SYNE2: variants seen among roughly 807,000 people sequenced by gnomAD.
The protein encoded by SYNE2 is spectrin repeat containing nuclear envelope protein 2, also known as nesprin-2.
In SYNE2, 431 loss-of-function variants were observed where a neutral mutation model predicts 856.3. That is an observed-to-expected ratio of 0.50 (90% CI 0.47 to 0.55). The LOEUF is 0.55. Ranked by LOEUF, SYNE2 falls within the 20% of genes least tolerant of loss-of-function variation. SYNE2 has a pLI of 0.00. For synonymous variants in SYNE2, 2,923 were observed against 2,872.3 expected (o/e 1.02, Z -0.56); for missense variants, 8,129 against 8,023.2 (o/e 1.01, Z -0.50).
At chr14:64,173,455 G>T (rs1394100890) in intron 94 of SYNE2, among the ~76,000 whole-genome samples, 2 of 152,090 alleles carry the variant, frequency 1.3e-5, no homozygotes, top group Non-Finnish European at 2.9e-5. Context: ...TTCCTCCTTT[G>T]GGTATGGGTG....
chr14:64,138,967 G>A (rs2098119567), intron 79 of SYNE2, among the ~76,000 whole-genome samples: 1 of 149,344 alleles, frequency 6.7e-6, no homozygotes, highest in Non-Finnish European at 1.5e-5. Flanking sequence ...GTGTGTGTGT[G>A]TGTGTGTGTG....
At chr14:63,814,060 A>C (rs914355816) in intron 1 of SYNE2, among the ~76,000 whole-genome samples, 5 of 149,894 alleles carry the variant, frequency 3.3e-5, no homozygotes, top group African/African-American at 7.4e-5. Flanking sequence ...TCTGTCTCAA[A>C]AACAACAACA....
rs148075978 is a variant in SYNE2, at chr14:63,897,418, C to T, written c.-51-11680C>T. ...TAGCTGTGAATAGTCTTCACTTCTGCATGAATCAGCGACAGTTTATCTGTT... is the reference window on the plus strand; with the variant it reads ...TAGCTGTGAATAGTCTTCACTTCTGTATGAATCAGCGACAGTTTATCTGTT... On this transcript the variant is annotated intron_variant, in intron 1 of 115. Transcript: ENST00000555002. Among the ~76,000 whole-genome samples the T allele has an allele frequency of 2.7e-4, 41 of 152,320 alleles. 1 individual carries two copies. Among genetic ancestry groups the T allele is most frequent in the African/African-American group, 9.6e-4 (40 of 41,574 alleles).
chr14:63,946,308 G>C (rs2096026135), intron 6 of SYNE2, among the ~76,000 whole-genome samples: 1 of 151,732 alleles, frequency 6.6e-6, no homozygotes, highest in Admixed American at 6.6e-5. Context: ...CCTGCCTGTG[G>C]TCCCAGCTTC....
chr14:63,857,184 C>G (rs571627158), intron 1 of SYNE2, among the ~76,000 whole-genome samples: 17 of 152,294 alleles, frequency 1.1e-4, no homozygotes, highest in African/African-American at 4.1e-4. Context: ...AGCTTTCTGT[C>G]TCTGTGGATT....
At chr14:64,149,131 C>G (rs1015113275) in intron 84 of SYNE2, among the ~76,000 whole-genome samples, 6 of 150,876 alleles carry the variant, frequency 4.0e-5, no homozygotes, top group African/African-American at 4.9e-5. Context: ...AACATAAGAC[C>G]CAGTCTCTAC....
intron 96 of SYNE2, among the ~76,000 whole-genome samples, chr14:64,180,504 AC>A (rs1354166404): frequency 6.7e-6 from 1 of 149,280 alleles, no homozygotes; most frequent in African/African-American, 2.5e-5. Context: ...ATGGTTTATA[AC>A]TTTTTTTTTT....
intron 2 of SYNE2, among the ~76,000 whole-genome samples, chr14:63,916,700 C>T (rs545998004): frequency 2.4e-4 from 37 of 152,170 alleles, no homozygotes; most frequent in African/African-American, 7.9e-4. Flanking sequence ...ATAGTGCTTT[C>T]GTATTCTGTT....
chr14:63,786,974 C>G (rs1173623947), intron 1 of SYNE2, among the ~76,000 whole-genome samples: 1 of 152,008 alleles, frequency 6.6e-6, no homozygotes, highest in Non-Finnish European at 1.5e-5. Flanking sequence ...TGTTGCCCAG[C>G]TTAGTCTTGA....
At chr14:64,177,271 A>G in intron 95 of SYNE2, 87 bp from the exon 96 acceptor site, 1 of 1,523,718 alleles carries the variant, frequency 6.6e-7, no homozygotes, top group East Asian at 2.3e-5. Flanking sequence ...TAATAGAAAG[A>G]TTATGTGGAT....
chr14:63,964,677 G>A (rs1439728550), intron 10 of SYNE2, among the ~76,000 whole-genome samples: 2 of 151,610 alleles, frequency 1.3e-5, no homozygotes, highest in East Asian at 2.0e-4. Context: ...GGCATGTACC[G>A]CCATGCCCAG....
At chr14:64,213,415 T>C (rs559579740) in intron 105 of SYNE2, among the ~76,000 whole-genome samples, 1 of 152,304 alleles carries the variant, frequency 6.6e-6, no homozygotes, top group African/African-American at 2.4e-5. Context: ...TTCTGATGCT[T>C]TGTTCTCACC....
rs754138105 is a variant in SYNE2, at chr14:64,113,490, A to G, written c.12759A>G (p.Gln4253=). ...TQVAELELWL[Q]QANVAVEPET... is the part of the protein sequence containing the mutation. ...TGGCCGAGCTGGAGCTGTGGCTGCAACAAGCCAACGTGGCAGTTGAGCCGG... is the reference window on the plus strand; with the variant it reads ...TGGCCGAGCTGGAGCTGTGGCTGCAGCAAGCCAACGTGGCAGTTGAGCCGG... Residue 4253 remains glutamine, a synonymous_variant, in exon 66 of 116, where the codon CAA becomes CAG. Transcript: ENST00000555002. 37 of 1,614,160 alleles carry G rather than the reference A, an allele frequency of 2.3e-5. No individual in the cohort carries two copies. The highest frequency in any genetic ancestry group is 2.5e-5 in the Non-Finnish European group (30 of 1,180,006).
intron 1 of SYNE2, among the ~76,000 whole-genome samples, chr14:63,830,338 T>C (rs1398494438): frequency 6.6e-6 from 1 of 151,890 alleles, no homozygotes; most frequent in Non-Finnish European, 1.5e-5. Flanking sequence ...GTGAATATAT[T>C]AGTAGCTATT....
chr14:64,098,698 A>C, intron 62 of SYNE2, 49 bp from the exon 63 acceptor site: 1 of 1,591,072 alleles, frequency 6.3e-7, no homozygotes, highest in Non-Finnish European at 8.6e-7. Flanking sequence ...GATCTTGGTG[A>C]TGTTGACTGG....
Position 64,211,850 on chromosome 14 carries a change from C to T in SYNE2, c.18724-111C>T, listed in dbSNP as rs751642768. On this transcript the variant is annotated intron_variant, in intron 103 of 115. Transcript: ENST00000555002. The stretch of plus-strand genomic sequence containing the variant: ...TTCTGGGTACCCTAGAGGCAGATTT[C>T]TCCCTGAGTATTCTGGGTACCCTTT... 813 of 1,511,196 alleles carry T rather than the reference C, an allele frequency of 5.4e-4. 1 individual carries two copies. Among genetic ancestry groups the T allele is most frequent in the Non-Finnish European group, 7.2e-4 (780 of 1,090,676 alleles). The allele number at this position is 1,511,196 out of a possible 1,614,324, so 93.6% of individuals were successfully genotyped here.
chr14:63,815,500 G>A (rs183497796), intron 1 of SYNE2, among the ~76,000 whole-genome samples: 80 of 151,878 alleles, frequency 5.3e-4, no homozygotes, highest in Non-Finnish European at 1.0e-4. Flanking sequence ...TGATTAGATG[G>A]TGCCCACCCA....
rs766325828 is a variant in SYNE2 at position 64,214,518 on chromosome 14, GT to G, written c.19333+53del. On this transcript the variant is annotated intron_variant, in intron 106 of 115. Transcript: ENST00000555002. ...CCTGGAAAGTGACCCGTTTGGCTATGTTTTTAGCCCCTTAGCAACACGGCCA... is the reference window on the plus strand; with the variant it reads ...CCTGGAAAGTGACCCGTTTGGCTATGTTTTAGCCCCTTAGCAACACGGCCA... 1.3e-5 allele frequency: 21 copies of G among 1,556,810 alleles called. No homozygotes were observed. In the East Asian group the frequency reaches 4.6e-4, roughly 34 times the overall value.
intron 106 of SYNE2, 117 bp downstream of exon 106, chr14:64,214,587 T>G (rs2098657032): frequency 9.6e-7 from 1 of 1,042,082 alleles, no homozygotes; most frequent in Admixed American, 2.1e-5. Context: ...GACCCTGACT[T>G]CTGTGGTTTC....
Sources: allele counts gnomAD v4.1 joint callset (sites outside exome capture counted in the v4.1 genomes callset), GRCh38; gene constraint gnomAD v4.1.1; transcripts MANE v1.5; gene names NCBI Gene and HGNC (gene_info 2026-07-23, HGNC 2026-07-21).